Variants in CTNNA3 observed in about 807,000 individuals in gnomAD.
The protein encoded by CTNNA3 is catenin alpha 3.
Under a neutral mutation model 95.7 loss-of-function variants are expected in CTNNA3, and 76 were observed. The ratio of observed to expected loss-of-function variants is 0.79; its 90% confidence interval spans 0.66 to 0.96. The LOEUF is 0.96. Ranked by LOEUF, CTNNA3 falls within the 40% of genes least tolerant of loss-of-function variation. CTNNA3 has a pLI of 0.00. For missense variants in CTNNA3, 1,191 were observed against 1,089.8 expected (o/e 1.09, Z -1.31); for synonymous variants, 431 against 374.4 (o/e 1.15, Z -1.74).
intron 12 of CTNNA3, among the ~76,000 whole-genome samples, chr10:66,322,555 A>G (rs769886883): frequency 2.0e-5 from 3 of 152,122 alleles, no homozygotes; most frequent in Admixed American, 6.5e-5. Context: ...AGAAATCTCT[A>G]TACAGATTTC....
chr10:67,228,976 G>A (rs1231593990), intron 5 of CTNNA3, among the ~76,000 whole-genome samples: 1 of 152,058 alleles, frequency 6.6e-6, no homozygotes, highest in Non-Finnish European at 1.5e-5. Flanking sequence ...TATGAAGCCA[G>A]CATCACCCTA....
intron 5 of CTNNA3, among the ~76,000 whole-genome samples, chr10:67,389,925 T>G (rs1217054542): frequency 2.0e-5 from 3 of 149,634 alleles, no homozygotes; most frequent in East Asian, 4.0e-4. Context: ...AGAGGGAAAT[T>G]TATAGCACTA....
intron 7 of CTNNA3, among the ~76,000 whole-genome samples, chr10:67,039,957 C>T (rs1854293131): frequency 6.6e-6 from 1 of 152,104 alleles, no homozygotes; most frequent in African/African-American, 2.4e-5. Context: ...AGCATATTAG[C>T]TGTCTGGGGG....
intron 6 of CTNNA3, among the ~76,000 whole-genome samples, chr10:67,200,961 A>G (rs926000496): frequency 1.8e-4 from 27 of 152,248 alleles, no homozygotes; most frequent in African/African-American, 6.5e-4. Flanking sequence ...TTTTCATCAA[A>G]GGGTCAATTG....
At chr10:67,034,087 A>C (rs1290521545) in intron 7 of CTNNA3, among the ~76,000 whole-genome samples, 1 of 152,090 alleles carries the variant, frequency 6.6e-6, no homozygotes, top group Non-Finnish European at 1.5e-5. Context: ...TGCTTCTTAA[A>C]AGGAAAAATA....
intron 7 of CTNNA3, among the ~76,000 whole-genome samples, chr10:66,907,196 T>C (rs911622995): frequency 6.6e-6 from 1 of 152,170 alleles, no homozygotes; most frequent in Non-Finnish European, 1.5e-5. Context: ...GTATAAACTG[T>C]GCACATTTCT....
chr10:66,275,435 C>T (rs1233557743), intron 13 of CTNNA3, among the ~76,000 whole-genome samples: 4 of 152,068 alleles, frequency 2.6e-5, no homozygotes, highest in African/African-American at 9.7e-5. Context: ...TGGACAGTCT[C>T]ATTTTTTTCA....
Position 66,042,201 on chromosome 10 carries a change from G to A in CTNNA3, c.2159+27107C>T, listed in dbSNP as rs142692778. 7.5e-4 allele frequency among the ~76,000 whole-genome samples: 114 copies of A among 152,184 alleles called. 1 individual carries two copies. The highest frequency in any genetic ancestry group is 2.6e-3 in the African/African-American group (108 of 41,516). On this transcript the variant is annotated intron_variant, in intron 15 of 17. Coordinates refer to ENST00000433211, the MANE Select transcript of CTNNA3 (RefSeq NM_013266.4). ...CAGGTAGTTTTTCTTGATGACATCC[G>A]CTCTCAACCCATTTCACATTCTCCA...
intron 11 of CTNNA3, among the ~76,000 whole-genome samples, chr10:66,417,088 T>A (rs193037222): frequency 2.0e-5 from 3 of 151,978 alleles, no homozygotes; most frequent in African/African-American, 7.2e-5. Flanking sequence ...TTAAAAGCTA[T>A]AGACTGAATG....
At chr10:66,936,614 TG>T (rs1847710365) in intron 7 of CTNNA3, among the ~76,000 whole-genome samples, 1 of 152,162 alleles carries the variant, frequency 6.6e-6, no homozygotes, top group African/African-American at 2.4e-5. Context: ...GTCAGTTTCA[TG>T]GTTGGAGTCA....
chr10:66,780,984 A>G (rs1035459219), intron 7 of CTNNA3, among the ~76,000 whole-genome samples: 1 of 150,208 alleles, frequency 6.7e-6, no homozygotes, highest in Non-Finnish European at 1.5e-5. Flanking sequence ...TTGCATAAAC[A>G]GCCATTGAAA....
chr10:66,628,264 T>A (rs1021630609), intron 9 of CTNNA3, among the ~76,000 whole-genome samples: 1 of 152,178 alleles, frequency 6.6e-6, no homozygotes, highest in African/African-American at 2.4e-5. Context: ...TTTGGTGAAT[T>A]CTATTTTTTA....
chr10:67,281,754 T>C (rs899966957), intron 5 of CTNNA3, among the ~76,000 whole-genome samples: 1 of 152,172 alleles, frequency 6.6e-6, no homozygotes, highest in Non-Finnish European at 1.5e-5. Flanking sequence ...ATAATTGATA[T>C]GTAATCAATT....
At chr10:67,748,899 A>G (rs1449677588) in intron 1 of CTNNA3, among the ~76,000 whole-genome samples, 1 of 152,170 alleles carries the variant, frequency 6.6e-6, no homozygotes, top group African/African-American at 2.4e-5. Context: ...TGCACATGAC[A>G]TGTCTTTGCA....
intron 3 of CTNNA3, among the ~76,000 whole-genome samples, chr10:67,586,083 GT>G (rs1054079944): frequency 6.6e-6 from 1 of 152,070 alleles, no homozygotes; most frequent in Non-Finnish European, 1.5e-5. Context: ...CATTGACCCA[GT>G]GGTCATTCAG....
chr10:67,151,764 C>T (rs1026058973), intron 7 of CTNNA3, among the ~76,000 whole-genome samples: 2 of 152,172 alleles, frequency 1.3e-5, no homozygotes, highest in African/African-American at 4.8e-5. Flanking sequence ...CAGCTCTTTT[C>T]CATGACTCAC....
chr10:66,304,042 A>G (rs934431737), intron 12 of CTNNA3, among the ~76,000 whole-genome samples: 28 of 152,128 alleles, frequency 1.8e-4, no homozygotes, highest in Admixed American at 4.6e-4. Flanking sequence ...TATACAACCC[A>G]TAGTATCCAG....
chr10:66,513,468 G>A (rs548489808), intron 11 of CTNNA3, among the ~76,000 whole-genome samples: 1 of 152,310 alleles, frequency 6.6e-6, no homozygotes, highest in Non-Finnish European at 1.5e-5. Flanking sequence ...CAGGCAAGCA[G>A]TCCTTGGATC....
At chr10:66,915,989 T>C (rs2147885) in intron 7 of CTNNA3, among the ~76,000 whole-genome samples, 6,507 of 152,100 alleles carry the variant, frequency 0.043, 458 homozygotes, top group African/African-American at 0.15. Flanking sequence ...CCTGGTGATC[T>C]GCTCACCTTG....
Sources: gnomAD v4.1 joint callset for allele counts (sites outside exome capture counted in the v4.1 genomes callset) on GRCh38, gnomAD v4.1.1 for gene constraint, MANE v1.5 for transcripts, NCBI Gene and HGNC (gene_info 2026-07-23, HGNC 2026-07-21) for gene names.